Variants in MYH11 observed in about 807,000 individuals in gnomAD.
The protein encoded by MYH11 is myosin heavy chain 11.
Under a neutral mutation model 246.6 loss-of-function variants are expected in MYH11, and 80 were observed. The ratio of observed to expected loss-of-function variants is 0.32; its 90% confidence interval spans 0.27 to 0.39. The LOEUF is 0.39. MYH11 is among the 10% of genes least tolerant of loss of function. MYH11 has a pLI of 1.00. For synonymous variants in MYH11, 1,071 were observed against 1,015.5 expected (o/e 1.05, Z -1.04); for missense variants, 2,158 against 2,546.8 (o/e 0.85, Z 3.29).
chr16:15,807,775 T>C (rs1214205327), intron 3 of MYH11, among the ~76,000 whole-genome samples: 3 of 152,122 alleles, frequency 2.0e-5, no homozygotes, highest in Non-Finnish European at 2.9e-5. Context: ...GCCTCGGATG[T>C]GTAAGGCCCC....
At chr16:15,709,977 C>T (rs191005644) in intron 40 of MYH11, among the ~76,000 whole-genome samples, 149 of 152,262 alleles carry the variant, frequency 9.8e-4, no homozygotes, top group African/African-American at 3.1e-3. Flanking sequence ...TGGTGAAACT[C>T]GCACTACAGT....
At chr16:15,812,442 C>T (rs1398106471) in intron 3 of MYH11, among the ~76,000 whole-genome samples, 2 of 145,872 alleles carry the variant, frequency 1.4e-5, no homozygotes, top group Non-Finnish European at 3.0e-5. Context: ...TTAGGCTGGG[C>T]ACGGTGGCTC....
In MYH11 at chr16:15,784,897, G is replaced by A. The variant is rs562323971; in HGVS notation, c.633+1733C>T. ...TCTCTCTGTTTAGCTGCAGGAATACGATCACAGCTCACTGCAGTCTCAACC... is the reference window on the plus strand; with the variant it reads ...TCTCTCTGTTTAGCTGCAGGAATACAATCACAGCTCACTGCAGTCTCAACC... On this transcript the variant is annotated intron_variant, in intron 5 of 40. Transcript: ENST00000300036. The A allele has an allele frequency of 1.4e-4, 92 of 671,566 alleles. No individual in the cohort carries two copies. In the African/African-American group the frequency reaches 1.5e-3, roughly 11 times the overall value. The allele number at this position is 671,566 out of a possible 1,614,324, so 41.6% of individuals were successfully genotyped here.
chr16:15,845,805 A>G (rs1314517355), intron 1 of MYH11, among the ~76,000 whole-genome samples: 1 of 152,056 alleles, frequency 6.6e-6, no homozygotes, highest in Non-Finnish European at 1.5e-5. Context: ...GATTGATCAC[A>G]AGTAGGCCGA....
intron 25 of MYH11, among the ~76,000 whole-genome samples, chr16:15,737,182 C>T (rs2041143059): frequency 1.3e-5 from 2 of 152,008 alleles, no homozygotes; most frequent in Admixed American, 1.3e-4. Flanking sequence ...GCCTGGATGT[C>T]GAAGAGGCAG....
At chr16:15,784,255 G>A (rs1260008895) in intron 5 of MYH11, among the ~76,000 whole-genome samples, 1 of 152,134 alleles carries the variant, frequency 6.6e-6, no homozygotes, top group Non-Finnish European at 1.5e-5. Context: ...ATGGCAGGGA[G>A]AGAAGAGGGA....
rs368879422 is a variant in MYH11, at chr16:15,738,669, T to A, written c.3017A>T (p.Glu1006Val). The change falls in exon 24 of 41, where the codon GAG (glutamate) becomes GTG (valine). Residue 1006 changes from glutamate (E) to valine (V), a missense_variant. Physicochemically the swap from Glu to Val is moderately radical, Grantham distance 121. This residue lies in a region of MYH11 where 284 missense variants were observed against 315.4 expected (regional missense o/e 0.90). Transcript: ENST00000300036. The part of the protein sequence containing the change: ...KLSKERKLLE[E>V]RISDLTTNLA... ...ATTTGTCGTTAAGTCACTAATCCTC[T>A]CCTCAAGGAGTTTTCGTTCCTTTTT... 6.2e-7 allele frequency: 1 copy of A among 1,613,946 alleles called. No homozygotes were observed. The highest frequency in any genetic ancestry group is 8.5e-7 in the Non-Finnish European group (1 of 1,179,856).
intron 15 of MYH11, among the ~76,000 whole-genome samples, chr16:15,752,236 T>G (rs1024531876): frequency 7.9e-5 from 12 of 152,076 alleles, no homozygotes; most frequent in African/African-American, 2.2e-4. Context: ...GCCCAGAGCC[T>G]GGCATATGGT....
chr16:15,845,304 T>TTC (rs1218938677), intron 1 of MYH11, among the ~76,000 whole-genome samples: 4 of 151,458 alleles, frequency 2.6e-5, no homozygotes, highest in Non-Finnish European at 4.4e-5. Flanking sequence ...CGCGATTTTT[T>TTC]TTTTTTTTTT....
intron 6 of MYH11, 155 bp from the exon 7 acceptor site, chr16:15,778,998 C>G (rs1447462257): frequency 1.3e-6 from 1 of 750,388 alleles, no homozygotes; most frequent in Non-Finnish European, 2.4e-6. Flanking sequence ...AGTTGTCAGG[C>G]GGAACCAACA....
At chr16:15,759,958 G>A (rs562659857) in intron 11 of MYH11, among the ~76,000 whole-genome samples, 17 of 152,222 alleles carry the variant, frequency 1.1e-4, no homozygotes, top group Non-Finnish European at 2.2e-4. Flanking sequence ...TTAGCCAGGC[G>A]TTGTGGTGCA....
intron 14 of MYH11, among the ~76,000 whole-genome samples, chr16:15,755,910 G>A (rs755993604): frequency 1.3e-5 from 2 of 152,158 alleles, no homozygotes; most frequent in Admixed American, 6.5e-5. Context: ...CAGCCTGGAT[G>A]ACAAGAGCAA....
chr16:15,828,736 T>C lies in MYH11; in HGVS notation c.346-5325A>G, dbSNP rs2043639995. Among the ~76,000 whole-genome samples, 5 of 142,290 alleles carry C rather than the reference T, an allele frequency of 3.5e-5. No individual in the cohort carries two copies. The South Asian group carries it at 1.1e-3, about 31-fold the overall frequency. The allele number at this position is 142,290 out of a possible 152,430, so 93.3% of individuals were successfully genotyped here. A position where few individuals can be genotyped will look rare whatever the true frequency, so the allele number is the denominator to read the frequency against. On this transcript the variant is annotated intron_variant, in intron 2 of 40. Transcript: ENST00000300036. ...TGAACCCAGGAGGTGGAGGTTATAG[T>C]GAGCTGAGATCATGGTGCTGCACTC...
rs751478937 is a variant in MYH11, at chr16:15,757,816, G to C, written c.1575+11C>G. The C allele has an allele frequency of 6.2e-7, 1 of 1,614,176 alleles. No homozygotes were observed. The highest frequency in any genetic ancestry group is 1.1e-5 in the South Asian group (1 of 91,084). On this transcript the variant is annotated intron_variant, in intron 13 of 40. Transcript: ENST00000300036. ...GTGTGACGGAGCCCCGCACGCCCACGTGCCCCTCACCGGTCGCTCGATGAG... is the reference window on the plus strand; with the variant it reads ...GTGTGACGGAGCCCCGCACGCCCACCTGCCCCTCACCGGTCGCTCGATGAG...
rs776016983 is a variant in MYH11 at position 15,717,248 on chromosome 16, C to T, written c.5396G>A (p.Ser1799Asn). The stretch of plus-strand genomic sequence containing the variant: ...GGCCCCCTCCATCTCGTGGAGCTTG[C>T]TCCGGAGCTCCTTGTTCTGCCGCTC... The part of the protein sequence containing the change: ...QLERQNKELR[S>N]KLHEMEGAVK... Residue 1799 changes from serine (S) to asparagine (N), a missense_variant, in exon 38 of 41, where the codon AGC (serine) becomes AAC (asparagine). This residue lies in a region of MYH11 where 1,013 missense variants were observed against 993.5 expected (regional missense o/e 1.02). Coordinates refer to ENST00000300036, the MANE Select transcript of MYH11 (RefSeq NM_002474.3). The T allele has an allele frequency of 1.9e-5, 31 of 1,614,188 alleles. No individual in the cohort carries two copies. The highest frequency in any genetic ancestry group is 2.5e-5 in the Non-Finnish European group (29 of 1,180,050).
chr16:15,855,518 C>G (rs72773921), intron 1 of MYH11, among the ~76,000 whole-genome samples: 29,177 of 152,104 alleles, frequency 0.19, 3,425 homozygotes, highest in East Asian at 0.43. Flanking sequence ...CTGTGTGACA[C>G]TTTACCTCTC....
At chr16:15,842,762 C>CAAAAAAAAA (rs757920488) in intron 1 of MYH11, among the ~76,000 whole-genome samples, 7 of 19,672 alleles carry the variant, frequency 3.6e-4, no homozygotes, top group Admixed American at 7.9e-4. Flanking sequence ...AGACTTCATC[C>CAAAAAAAAA]AAAAAAAAAA....
At position 15,720,974 on chromosome 16, in the gene MYH11, C is replaced by G; in HGVS notation, c.4656G>C (p.Glu1552Asp). Reference protein sequence around the residue: ...EEMKTQLEELEDELQATEDAK... With the variant: ...EEMKTQLEELDDELQATEDAK... ...CGTCCTCCGTGGCTTGCAGCTCGTC[C>G]TCCAGCTCTTCCAGCTGCGTCTTCA... is the stretch of plus-strand genomic sequence containing the variant. Residue 1552 changes from glutamate (E) to aspartate (D), a missense_variant, in exon 33 of 41, where the codon GAG becomes GAC. Coordinates refer to ENST00000300036, the MANE Select transcript of MYH11 (RefSeq NM_002474.3). 1 of 1,614,164 alleles carries G rather than the reference C, an allele frequency of 6.2e-7. No homozygotes were observed. Among genetic ancestry groups the G allele is most frequent in the African/African-American group, 1.3e-5 (1 of 75,036 alleles).
At chr16:15,786,947 A>C (rs1241529699) in intron 4 of MYH11, among the ~76,000 whole-genome samples, 1 of 152,122 alleles carries the variant, frequency 6.6e-6, no homozygotes. Context: ...ATTCCTTCCA[A>C]GAGGACATAG....
Sources: allele counts gnomAD v4.1 joint callset (sites outside exome capture counted in the v4.1 genomes callset), GRCh38; gene constraint gnomAD v4.1.1; regional missense constraint gnomAD v4.1.1; transcripts MANE v1.5; gene names NCBI Gene and HGNC (gene_info 2026-07-23, HGNC 2026-07-21).